The following HEATR5A variants were observed in gnomAD, a reference collection of about 807,000 sequenced individuals.
The protein encoded by HEATR5A is HEAT repeat containing 5A.
HEATR5A carries 178 observed loss-of-function variants against 218.8 expected under a neutral mutation model. That is an observed-to-expected ratio of 0.81 (90% CI 0.72 to 0.92). HEATR5A has a LOEUF of 0.92. Ranked by LOEUF, HEATR5A falls within the 40% of genes least tolerant of loss-of-function variation. The probability of loss-of-function intolerance (pLI) is 0.00; values close to 1 mark genes in which losing one functional copy is unlikely to be tolerated. For synonymous variants in HEATR5A, 864 were observed against 871.6 expected (o/e 0.99, Z 0.15); for missense variants, 2,420 against 2,418.9 (o/e 1.00, Z -0.01).
chr14:31,387,037 T>C (rs1203678648), intron 8 of HEATR5A, 83 bp downstream of exon 8: 19 of 1,303,978 alleles, frequency 1.5e-5, no homozygotes, highest in Admixed American at 4.2e-5. Context: ...TGTATTAATA[T>C]AGTATTATAT....
chr14:31,366,119 C>G (rs1237409863), intron 13 of HEATR5A, among the ~76,000 whole-genome samples: 1 of 152,044 alleles, frequency 6.6e-6, no homozygotes, highest in East Asian at 1.9e-4. Flanking sequence ...ATTGTAACAC[C>G]TGGGTAAGGC....
At chr14:31,325,985 C>T (rs1442963618) in intron 23 of HEATR5A, 178 bp downstream of exon 23, 1 of 618,278 alleles carries the variant, frequency 1.6e-6, no homozygotes, top group Non-Finnish European at 2.8e-6. Flanking sequence ...TTATATTGTT[C>T]AAATTACAGA....
chr14:31,418,539 C>T (rs1238844791), intron 1 of HEATR5A, among the ~76,000 whole-genome samples: 1 of 152,180 alleles, frequency 6.6e-6, no homozygotes, highest in Non-Finnish European at 1.5e-5. Context: ...TAGAACTAGA[C>T]AAGGGATCTA....
chr14:31,342,715 C>A (rs907042930), intron 21 of HEATR5A, among the ~76,000 whole-genome samples: 1 of 152,204 alleles, frequency 6.6e-6, no homozygotes, highest in African/African-American at 2.4e-5. Flanking sequence ...CAGAAACCCA[C>A]AATGTAGATT....
intron 13 of HEATR5A, among the ~76,000 whole-genome samples, chr14:31,367,949 T>C (rs1179864095): frequency 6.6e-6 from 1 of 152,130 alleles, no homozygotes; most frequent in Non-Finnish European, 1.5e-5. Flanking sequence ...ATTTTTTTAG[T>C]AACGTATGGG....
chr14:31,318,367 T>C, intron 25 of HEATR5A, 75 bp from the exon 26 acceptor site: 1 of 1,133,684 alleles, frequency 8.8e-7, no homozygotes, highest in South Asian at 1.3e-5. Context: ...TTAATGTTAT[T>C]TTAAAATTAT....
intron 1 of HEATR5A, among the ~76,000 whole-genome samples, chr14:31,412,665 C>A (rs1451778025): frequency 6.6e-6 from 1 of 151,850 alleles, no homozygotes; most frequent in Non-Finnish European, 1.5e-5. Context: ...CTGAAGCAGG[C>A]GGATCACCTG....
intron 17 of HEATR5A, 53 bp downstream of exon 17, chr14:31,350,559 A>G: frequency 2.0e-6 from 2 of 986,928 alleles, no homozygotes; most frequent in Non-Finnish European, 3.0e-6. Flanking sequence ...TTCATTGGCT[A>G]CAAATTTTTT....
At chr14:31,389,085 T>A in intron 6 of HEATR5A, 80 bp from the exon 7 acceptor site, 1 of 1,260,716 alleles carries the variant, frequency 7.9e-7, no homozygotes, top group Non-Finnish European at 1.1e-6. Context: ...AAAAGCATGT[T>A]AATAGAAACA....
At chr14:31,316,201 G>A (rs911893157) in intron 26 of HEATR5A, among the ~76,000 whole-genome samples, 4 of 152,136 alleles carry the variant, frequency 2.6e-5, no homozygotes, top group Admixed American at 6.6e-5. Flanking sequence ...AGGATTGCAT[G>A]AGCCCATGAG....
intron 27 of HEATR5A, among the ~76,000 whole-genome samples, chr14:31,315,167 C>CT (rs1219582596): frequency 6.6e-6 from 1 of 152,142 alleles, no homozygotes. Flanking sequence ...GAGCAAGACT[C>CT]TGTCTACAAA....
intron 23 of HEATR5A, among the ~76,000 whole-genome samples, chr14:31,325,721 G>T (rs1385355449): frequency 6.6e-6 from 1 of 151,824 alleles, no homozygotes; most frequent in Non-Finnish European, 1.5e-5. Flanking sequence ...TTGCCACGTT[G>T]CCCAGGCTGG....
At chr14:31,389,935 T>G (rs1311316955) in intron 6 of HEATR5A, among the ~76,000 whole-genome samples, 1 of 152,080 alleles carries the variant, frequency 6.6e-6, no homozygotes, top group Non-Finnish European at 1.5e-5. Context: ...TTAAAAACCA[T>G]GCAGAAAACA....
At chr14:31,362,569 C>A (rs1261150692) in intron 14 of HEATR5A, among the ~76,000 whole-genome samples, 4 of 136,642 alleles carry the variant, frequency 2.9e-5, no homozygotes, top group African/African-American at 1.1e-4. Context: ...TTGAGAACAA[C>A]CTGGGCAGCA....
intron 5 of HEATR5A, among the ~76,000 whole-genome samples, chr14:31,394,601 G>T (rs919831978): frequency 6.6e-6 from 1 of 151,966 alleles, no homozygotes; most frequent in African/African-American, 2.4e-5. Flanking sequence ...GGATCACGAG[G>T]TCAGGAGATA....
chr14:31,387,967 T>C (rs573064769), intron 7 of HEATR5A, among the ~76,000 whole-genome samples: 2 of 152,306 alleles, frequency 1.3e-5, no homozygotes, highest in South Asian at 4.1e-4. Context: ...ACATGTAAAA[T>C]GTATCTGTGG....
chr14:31,387,261 T>G lies in HEATR5A; in HGVS notation c.1048A>C (p.Thr350Pro), dbSNP rs971848566. Residue 350 changes from threonine to proline, a missense_variant, in exon 8 of 36, where the codon ACT (threonine) becomes CCT (proline). Coordinates refer to ENST00000543095, the MANE Select transcript of HEATR5A (RefSeq NM_015473.4). ...ASPSHPKATQ[T>P]QIDAVCCRRC... ...CGACAGCAGACGGCATCGATCTGAG[T>G]TTGGGTGGCTTTAGGGTGTGACGGT... 6.2e-7 allele frequency: 1 copy of G among 1,613,886 alleles called. No homozygotes were observed. The highest frequency in any genetic ancestry group is 1.3e-5 in the African/African-American group (1 of 74,990).
chr14:31,330,272 G>A (rs991852365), intron 22 of HEATR5A, among the ~76,000 whole-genome samples: 7 of 152,160 alleles, frequency 4.6e-5, no homozygotes, highest in Non-Finnish European at 8.8e-5. Context: ...CAAGGTTTGG[G>A]GCTTGCACTC....
chr14:31,340,395 A>T, intron 21 of HEATR5A: 3 of 1,152,988 alleles, frequency 2.6e-6, no homozygotes, highest in Non-Finnish European at 3.4e-6. Flanking sequence ...AATGACACAA[A>T]GAAACAGCAC....
Sources: allele counts gnomAD v4.1 joint callset (sites outside exome capture counted in the v4.1 genomes callset), GRCh38; gene constraint gnomAD v4.1.1; transcripts MANE v1.5; gene names NCBI Gene and HGNC (gene_info 2026-07-23, HGNC 2026-07-21).